The following FRMD4A variants were observed in gnomAD, a reference collection of about 807,000 sequenced individuals.
FRMD4A encodes the protein FERM domain-containing protein 4A.
Under a neutral mutation model 129.1 loss-of-function variants are expected in FRMD4A, and 29 were observed. That is an observed-to-expected ratio of 0.22 (90% CI 0.17 to 0.31). The LOEUF (loss-of-function observed/expected upper bound fraction) is 0.31, where lower values mean the gene tolerates loss of function less well. FRMD4A is among the 10% of genes least tolerant of loss of function. FRMD4A has a pLI of 1.00. For synonymous variants in FRMD4A, 634 were observed against 571.6 expected (o/e 1.11, Z -1.56); for missense variants, 1,272 against 1,375.8 (o/e 0.92, Z 1.19).
At chr10:14,106,135 T>C (rs919820051) in intron 2 of FRMD4A, among the ~76,000 whole-genome samples, 5 of 152,202 alleles carry the variant, frequency 3.3e-5, no homozygotes, top group African/African-American at 7.2e-5. Flanking sequence ...ATTTTTACCA[T>C]GCCTAGCATC....
At chr10:13,904,025 G>A (rs2094851559) in intron 2 of FRMD4A, among the ~76,000 whole-genome samples, 1 of 152,090 alleles carries the variant, frequency 6.6e-6, no homozygotes, top group African/African-American at 2.4e-5. Context: ...TAATCGTGTC[G>A]CTCCACTTCT....
chr10:13,685,022 C>T, intron 15 of FRMD4A: 2 of 984,324 alleles, frequency 2.0e-6, no homozygotes, highest in African/African-American at 3.5e-5. Flanking sequence ...CTTGACAAAT[C>T]CTCAGTGATG....
intron 2 of FRMD4A, among the ~76,000 whole-genome samples, chr10:14,267,954 G>C (rs1004410736): frequency 6.6e-6 from 1 of 152,126 alleles, no homozygotes; most frequent in Non-Finnish European, 1.5e-5. Context: ...CTTAAATCTA[G>C]CTTTGGTGTA....
rs10737083 is a variant in FRMD4A, at chr10:13,785,942, C to G, written c.300-2936G>C. Among the ~76,000 whole-genome samples the G allele has an allele frequency of 9.9e-5, 15 of 152,122 alleles. 1 individual carries two copies. Among genetic ancestry groups the G allele is most frequent in the Admixed American group, 3.9e-4 (6 of 15,280 alleles). ...CAGCTTCATCCATGTCCCTACAAAG[C>G]ACATGAACTCATCCTTTTTTGTGGC... is the stretch of plus-strand genomic sequence containing the variant. On this transcript the variant is annotated intron_variant, in intron 5 of 24. Transcript: ENST00000357447.
chr10:13,778,384 C>A (rs1207809639), intron 6 of FRMD4A, among the ~76,000 whole-genome samples: 4 of 146,860 alleles, frequency 2.7e-5, no homozygotes, highest in African/African-American at 9.9e-5. Flanking sequence ...TCGGCAAAAC[C>A]CCAAAATGCT....
At chr10:14,168,442 C>T (rs549490096) in intron 2 of FRMD4A, among the ~76,000 whole-genome samples, 10 of 152,320 alleles carry the variant, frequency 6.6e-5, no homozygotes, top group African/African-American at 1.7e-4. Context: ...TCATGAAAGC[C>T]TTTATTGTCA....
chr10:13,974,067 G>A (rs564611581), intron 2 of FRMD4A, among the ~76,000 whole-genome samples: 6 of 137,630 alleles, frequency 4.4e-5, no homozygotes, highest in African/African-American at 8.2e-5. Flanking sequence ...TTGCTCAGTC[G>A]CCCAGGCTGG....
intron 2 of FRMD4A, among the ~76,000 whole-genome samples, chr10:14,168,194 G>C (rs1841292097): frequency 6.6e-6 from 1 of 152,194 alleles, no homozygotes; most frequent in South Asian, 2.1e-4. Context: ...GTCCCAGGCA[G>C]TGGTGTGCTG....
chr10:13,954,645 C>G (rs989760775), intron 2 of FRMD4A, among the ~76,000 whole-genome samples: 1 of 152,108 alleles, frequency 6.6e-6, no homozygotes, highest in Non-Finnish European at 1.5e-5. Context: ...ACCATCAGGG[C>G]CCTGCAGACC....
chr10:13,819,802 A>G (rs1055868635), intron 3 of FRMD4A, among the ~76,000 whole-genome samples: 1 of 150,792 alleles, frequency 6.6e-6, no homozygotes, highest in African/African-American at 2.4e-5. Context: ...GCTCACTGCA[A>G]CCTCCACCTC....
rs371702338 is a variant in FRMD4A, at chr10:13,817,595, G to A, written c.112-6687C>T. On this transcript the variant is annotated intron_variant, in intron 3 of 24. Coordinates refer to ENST00000357447, the MANE Select transcript of FRMD4A (RefSeq NM_018027.5). ...GTGTGGTTCCCCCATCTATTCTGAT[G>A]GTAATGAATAAGTCTCACAAGATCT... Among the ~76,000 whole-genome samples, 65 of 152,274 alleles carry A rather than the reference G, an allele frequency of 4.3e-4. 3 individuals are homozygous for A. The highest frequency in any genetic ancestry group is 1.2e-3 in the African/African-American group (50 of 41,540).
In FRMD4A at chr10:13,820,671, G is replaced by GT. The variant is rs1215570320; in HGVS notation, c.112-9764dup. Among the ~76,000 whole-genome samples the GT allele has an allele frequency of 5.9e-5, 9 of 152,360 alleles. No individual in the cohort carries two copies. The South Asian group carries it at 1.9e-3, about 32-fold the overall frequency. ...TCAGCTCCTGCTCTTCGCCAAGGGT[G>GT]TTTTTTGACAATCCCTTTGTCACTG... On this transcript the variant is annotated intron_variant, in intron 3 of 24. Coordinates refer to ENST00000357447, the MANE Select transcript of FRMD4A (RefSeq NM_018027.5).
intron 2 of FRMD4A, among the ~76,000 whole-genome samples, chr10:13,888,631 C>A (rs1232178722): frequency 6.6e-6 from 1 of 152,056 alleles, no homozygotes; most frequent in South Asian, 2.1e-4. Context: ...TTATGAGGTC[C>A]CAGAAATTGC....
chr10:14,219,478 A>G (rs1482808215), intron 2 of FRMD4A, among the ~76,000 whole-genome samples: 1 of 152,128 alleles, frequency 6.6e-6, no homozygotes, highest in East Asian at 1.9e-4. Flanking sequence ...AACTCTTCCT[A>G]TTCACAAATG....
At chr10:14,005,511 G>A (rs867278219) in intron 2 of FRMD4A, among the ~76,000 whole-genome samples, 72 of 152,076 alleles carry the variant, frequency 4.7e-4, no homozygotes, top group African/African-American at 1.6e-3. Context: ...AGCAATTGTC[G>A]AACCTGGGCA....
rs766042777 is a variant in FRMD4A, at chr10:14,330,066, G to A, written c.37C>T (p.Leu13=). The change falls in exon 2 of 25, where the codon CTG becomes TTG. Residue 13 remains leucine, a synonymous_variant. Transcript: ENST00000357447. ...VQLVPDSALG[L]LMMTEGRRCQ... The stretch of plus-strand genomic sequence containing the variant: ...CCTGTCTGAACACTCACCATCAGCA[G>A]GCCGAGAGCTGAGTCGGGCACCAGC... The A allele has an allele frequency of 2.3e-5, 36 of 1,553,112 alleles. No individual in the cohort carries two copies. The highest frequency in any genetic ancestry group is 3.0e-5 in the Non-Finnish European group (34 of 1,147,722).
intron 12 of FRMD4A, among the ~76,000 whole-genome samples, chr10:13,733,277 C>T (rs1409322870): frequency 6.6e-6 from 1 of 152,170 alleles, no homozygotes; most frequent in Admixed American, 6.5e-5. Flanking sequence ...AAACAGGCAC[C>T]CCGTTTAGGT....
intron 2 of FRMD4A, among the ~76,000 whole-genome samples, chr10:14,112,088 C>G (rs1837940617): frequency 6.6e-6 from 1 of 151,914 alleles, no homozygotes; most frequent in African/African-American, 2.4e-5. Context: ...TGAGCAAATG[C>G]TTGGTGTTGA....
At chr10:14,174,554 A>ATTCATTCATTCG (rs912312368) in intron 2 of FRMD4A, among the ~76,000 whole-genome samples, 4 of 151,386 alleles carry the variant, frequency 2.6e-5, no homozygotes, top group African/African-American at 7.3e-5. Flanking sequence ...TCATTCATTC[A>ATTCATTCATTCG]TTCATTCATT....
Sources: allele counts gnomAD v4.1 joint callset (sites outside exome capture counted in the v4.1 genomes callset), GRCh38; gene constraint gnomAD v4.1.1; transcripts MANE v1.5; gene names NCBI Gene and HGNC (gene_info 2026-07-23, HGNC 2026-07-21).